Variants in IL1RAPL1 observed in about 807,000 individuals in gnomAD.
IL1RAPL1 encodes the protein interleukin 1 receptor accessory protein like 1, also known as interleukin-1 receptor accessory protein-like 1.
IL1RAPL1 carries 3 observed loss-of-function variants against 48.4 expected under a neutral mutation model. The observed-to-expected ratio is 0.06, with a 90% CI of 0.03 to 0.16. The LOEUF (loss-of-function observed/expected upper bound fraction) is 0.16, where lower values mean the gene tolerates loss of function less well. IL1RAPL1 is among the 10% of genes least tolerant of loss of function. The probability of loss-of-function intolerance (pLI) is 1.00; values close to 1 mark genes in which losing one functional copy is unlikely to be tolerated. For missense variants in IL1RAPL1, 349 were observed against 530.6 expected, an observed-to-expected ratio of 0.66 and a Z score of 3.36; for synonymous variants, 185 against 187.7, an observed-to-expected ratio of 0.99 and a Z score of 0.12.
intron 6 of IL1RAPL1, among the ~76,000 whole-genome samples, chrX:29,877,649 A>G (rs1478317066): frequency 8.9e-6 from 1 of 111,827 alleles, no homozygotes; most frequent in Admixed American, 9.5e-5. Flanking sequence ...GTTAATACAC[A>G]CGTACTCTTA....
intron 2 of IL1RAPL1, among the ~76,000 whole-genome samples, chrX:29,233,079 GTGAGCCA>G (rs1368060559): frequency 1.8e-5 from 2 of 111,953 alleles, no homozygotes; most frequent in East Asian, 5.7e-4. Context: ...AATTACAGGT[GTGAGCCA>G]CCGTGCCTGG....
chrX:28,710,657 AT>A (rs1489215115), intron 1 of IL1RAPL1, among the ~76,000 whole-genome samples: 1 of 111,547 alleles, frequency 9.0e-6, no homozygotes, highest in East Asian at 2.8e-4. Context: ...TATAATTTTA[AT>A]TTTTTAGTAG....
Position 28,899,370 on chromosome X carries a change from C to A in IL1RAPL1, c.82+109945C>A, listed in dbSNP as rs746670623. 2.7e-5 allele frequency among the ~76,000 whole-genome samples: 3 copies of A among 111,713 alleles called. No homozygotes were observed. In the South Asian group the frequency reaches 1.1e-3, roughly 42 times the overall value. On this transcript the variant is annotated intron_variant, in intron 2 of 10. Transcript: ENST00000378993. ...ACAGGGTTTCACCATGTTGCCTGGG[C>A]TGGTTTTGAACTCCCGGGCTCAAAT...
At chrX:29,788,395 C>A (rs977054053) in intron 6 of IL1RAPL1, among the ~76,000 whole-genome samples, 5 of 111,367 alleles carry the variant, frequency 4.5e-5, no homozygotes. Context: ...GAAAAAAATA[C>A]AACATGCACA....
At chrX:28,899,952 G>A (rs1923032213) in intron 2 of IL1RAPL1, among the ~76,000 whole-genome samples, 1 of 112,265 alleles carries the variant, frequency 8.9e-6, no homozygotes, top group African/African-American at 3.2e-5. Context: ...ATTAGCAGGA[G>A]TCAGGAATTC....
At chrX:29,492,976 C>G (rs1027407793) in intron 5 of IL1RAPL1, among the ~76,000 whole-genome samples, 1 of 111,839 alleles carries the variant, frequency 8.9e-6, no homozygotes, top group East Asian at 2.8e-4. Context: ...CGCTTCATCT[C>G]TAGCCTTGGT....
intron 1 of IL1RAPL1, among the ~76,000 whole-genome samples, chrX:28,669,174 G>A (rs746293739): frequency 1.8e-5 from 2 of 111,329 alleles, no homozygotes; most frequent in South Asian, 7.6e-4. Flanking sequence ...TCAACAAACT[G>A]TCTCTTAGGT....
chrX:28,830,630 G>A (rs1339757426), intron 2 of IL1RAPL1, among the ~76,000 whole-genome samples: 1 of 111,128 alleles, frequency 9.0e-6, no homozygotes, highest in Non-Finnish European at 1.9e-5. Context: ...AGTCTGTCTA[G>A]TAGGTTCAGT....
chrX:29,182,751 G>A (rs1195192443), intron 2 of IL1RAPL1, among the ~76,000 whole-genome samples: 3 of 111,233 alleles, frequency 2.7e-5, no homozygotes, highest in African/African-American at 9.8e-5. Flanking sequence ...CTGATTTTTG[G>A]AACCTGTGAA....
chrX:29,599,071 G>A (rs899009225), intron 5 of IL1RAPL1, among the ~76,000 whole-genome samples: 4 of 111,796 alleles, frequency 3.6e-5, no homozygotes, highest in Non-Finnish European at 7.5e-5. Flanking sequence ...TCTATTCATT[G>A]TGCTGTTTGC....
intron 6 of IL1RAPL1, among the ~76,000 whole-genome samples, chrX:29,701,005 C>G (rs1382943410): frequency 8.9e-6 from 1 of 111,747 alleles, no homozygotes; most frequent in Non-Finnish European, 1.9e-5. Flanking sequence ...TACAAACTTT[C>G]AGGAACTTTG....
chrX:29,798,529 A>G (rs2147166098), intron 6 of IL1RAPL1, among the ~76,000 whole-genome samples: 1 of 112,030 alleles, frequency 8.9e-6, no homozygotes, highest in African/African-American at 3.2e-5. Flanking sequence ...GTTCCATAGT[A>G]AGCATCTGCT....
At chrX:29,705,631 C>G (rs1927172646) in intron 6 of IL1RAPL1, among the ~76,000 whole-genome samples, 2 of 112,343 alleles carry the variant, frequency 1.8e-5, no homozygotes. Flanking sequence ...GATACTTTCC[C>G]AAAGCCATGT....
chrX:29,756,601 C>T (rs775098001), intron 6 of IL1RAPL1, among the ~76,000 whole-genome samples: 2 of 110,230 alleles, frequency 1.8e-5, no homozygotes, highest in South Asian at 3.9e-4. Flanking sequence ...TTAATAGAGA[C>T]GGGGTTTCAC....
rs1022226012 is a variant in IL1RAPL1 at position 29,666,465 on chromosome X, T to C, written c.704-1965T>C. ...GAACACAGTTTCCAAATCAAAGAACTTAATAACCGTGTAATTCTTCCTGGC... is the reference window on the plus strand; with the variant it reads ...GAACACAGTTTCCAAATCAAAGAACCTAATAACCGTGTAATTCTTCCTGGC... On this transcript the variant is annotated intron_variant, in intron 5 of 10. Coordinates refer to ENST00000378993, the MANE Select transcript of IL1RAPL1 (RefSeq NM_014271.4). 6.4e-5 allele frequency among the ~76,000 whole-genome samples: 7 copies of C among 109,077 alleles called. No homozygotes were observed. In the East Asian group the frequency reaches 2.0e-3, roughly 31 times the overall value. 94.7% of individuals were successfully genotyped at this position (109,077 alleles called of 115,157 possible). A position where few individuals can be genotyped will look rare whatever the true frequency, so the allele number is the denominator to read the frequency against.
At chrX:29,085,032 CAAATT>C (rs981825202) in intron 2 of IL1RAPL1, among the ~76,000 whole-genome samples, 22 of 111,780 alleles carry the variant, frequency 2.0e-4, no homozygotes, top group African/African-American at 6.8e-4. Flanking sequence ...AAATTCCACT[CAAATT>C]AAAGGGATAC....
intron 2 of IL1RAPL1, among the ~76,000 whole-genome samples, chrX:29,220,521 G>T (rs1930954186): frequency 9.0e-6 from 1 of 111,152 alleles, no homozygotes; most frequent in Non-Finnish European, 1.9e-5. Context: ...TGTAGTGAGG[G>T]AGCTACTCTT....
At chrX:28,820,235 C>T (rs1261158847) in intron 2 of IL1RAPL1, among the ~76,000 whole-genome samples, 1 of 107,996 alleles carries the variant, frequency 9.3e-6, no homozygotes, top group African/African-American at 3.4e-5. Flanking sequence ...ACTGTGGAAC[C>T]AGTGGGTTTT....
At chrX:28,881,324 A>G (rs981377456) in intron 2 of IL1RAPL1, among the ~76,000 whole-genome samples, 5 of 112,614 alleles carry the variant, frequency 4.4e-5, no homozygotes, top group Non-Finnish European at 7.5e-5. Flanking sequence ...GTTATTGCAC[A>G]TCACTGGCAA....
Sources: allele counts gnomAD v4.1 joint callset (sites outside exome capture counted in the v4.1 genomes callset), GRCh38; gene constraint gnomAD v4.1.1; transcripts MANE v1.5; gene names NCBI Gene and HGNC (gene_info 2026-07-23, HGNC 2026-07-21).